The following RGSL1 variants were observed in gnomAD, a reference collection of about 807,000 sequenced individuals.
RGSL1 encodes the protein regulator of G protein signaling protein-like.
In RGSL1, 97 loss-of-function variants were observed where a neutral mutation model predicts 124.7. That is an observed-to-expected ratio of 0.78 (90% CI 0.66 to 0.92). The LOEUF is 0.92. RGSL1 is among the 40% of genes least tolerant of loss of function. RGSL1 has a pLI of 0.00. For synonymous variants in RGSL1, 424 were observed against 438.1 expected, an observed-to-expected ratio of 0.97 and a Z score of 0.40; for missense variants, 1,233 against 1,288.4, an observed-to-expected ratio of 0.96 and a Z score of 0.66.
intron 12 of RGSL1, 118 bp downstream of exon 12, chr1:182,530,479 C>G: frequency 1.2e-6 from 1 of 810,900 alleles, no homozygotes; most frequent in South Asian, 1.8e-5. Context: ...AGCCTCTCTA[C>G]AAAATAAAAA....
At position 182,527,624 on chromosome 1, in the gene RGSL1, C is replaced by G. The variant is rs1172755075; in HGVS notation, c.1977C>G (p.Phe659Leu). 4 of 1,551,604 alleles carry G rather than the reference C, an allele frequency of 2.6e-6. No homozygotes were observed. Among genetic ancestry groups the G allele is most frequent in the Admixed American group, 2.0e-5 (1 of 50,970 alleles). The change falls in exon 11 of 22, where the codon TTC becomes TTG. Residue 659 changes from phenylalanine (F) to leucine (L), a missense_variant. By Grantham distance (22) the Phe-to-Leu change is conservative. Coordinates refer to ENST00000294854, the MANE Select transcript of RGSL1 (RefSeq NM_001137669.2). ...VLLNTQHLEF[F>L]REFLKERKAK... ...TAAATACACAGCACTTGGAGTTCTT[C>G]AGGGAGTTCCTCAAGGAACGGAAGG...
chr1:182,542,993 T>A (rs1659985655), intron 15 of RGSL1, among the ~76,000 whole-genome samples: 1 of 152,144 alleles, frequency 6.6e-6, no homozygotes, highest in Non-Finnish European at 1.5e-5. Context: ...ATGTCAGCTG[T>A]GAACAAGGCT....
chr1:182,529,600 T>C (rs946041405), intron 11 of RGSL1, among the ~76,000 whole-genome samples: 1 of 152,220 alleles, frequency 6.6e-6, no homozygotes, highest in Non-Finnish European at 1.5e-5. Flanking sequence ...GGTATTTTTG[T>C]GTGTTTGGTT....
intron 9 of RGSL1, among the ~76,000 whole-genome samples, chr1:182,494,100 C>G (rs921318062): frequency 2.0e-5 from 3 of 152,196 alleles, no homozygotes; most frequent in African/African-American, 7.2e-5. Flanking sequence ...CTCTGGGATA[C>G]CTGAGCCCCC....
At chr1:182,498,732 A>G (rs267846) in intron 9 of RGSL1, among the ~76,000 whole-genome samples, 130,925 of 151,790 alleles carry the variant, frequency 0.86, 56,782 homozygotes, top group African/African-American at 0.9. Context: ...TTTGTTTTTT[A>G]TTTTTAATTT....
intron 4 of RGSL1, among the ~76,000 whole-genome samples, chr1:182,466,621 A>G (rs266517): frequency 0.078 from 11,942 of 152,276 alleles, 640 homozygotes; most frequent in East Asian, 0.26. Context: ...AATTCACTTA[A>G]GGAGGTGAAA....
At chr1:182,553,210 A>G (rs1660671343) in intron 18 of RGSL1, among the ~76,000 whole-genome samples, 1 of 152,150 alleles carries the variant, frequency 6.6e-6, no homozygotes, top group African/African-American at 2.4e-5. Flanking sequence ...GGCTAGCCTC[A>G]TCACCTTTTA....
At chr1:182,559,353 T>C (rs1003832209) in intron 21 of RGSL1, among the ~76,000 whole-genome samples, 1 of 152,092 alleles carries the variant, frequency 6.6e-6, no homozygotes, top group Admixed American at 6.6e-5. Flanking sequence ...CTCAGAATCA[T>C]CCTCAACTCA....
chr1:182,449,092 C>T (rs1023440959), upstream of RGSL1, among the ~76,000 whole-genome samples: 7 of 152,170 alleles, frequency 4.6e-5, no homozygotes, highest in Non-Finnish European at 7.3e-5. Context: ...ACTGAACTCT[C>T]TTAAGATGTG....
At chr1:182,540,442 T>C in intron 15 of RGSL1, 21 bp downstream of exon 15, 1 of 1,544,204 alleles carries the variant, frequency 6.5e-7, no homozygotes, top group East Asian at 2.4e-5. Flanking sequence ...CACTTCTCCT[T>C]CTTCTGCCCT....
At chr1:182,538,747 T>A (rs928032384) in intron 14 of RGSL1, among the ~76,000 whole-genome samples, 1 of 152,058 alleles carries the variant, frequency 6.6e-6, no homozygotes, top group Admixed American at 6.6e-5. Context: ...TTGTAACATG[T>A]TGATAGTGAA....
intron 12 of RGSL1, among the ~76,000 whole-genome samples, chr1:182,530,572 T>C (rs150624791): frequency 6.0e-4 from 62 of 103,734 alleles, no homozygotes; most frequent in African/African-American, 2.0e-3. Flanking sequence ...CACATTTCTG[T>C]TTGTTTGCAT....
intron 9 of RGSL1, among the ~76,000 whole-genome samples, chr1:182,503,925 TATC>T (rs1420557488): frequency 2.0e-5 from 3 of 151,876 alleles, no homozygotes; most frequent in Non-Finnish European, 4.4e-5. Context: ...AAAACAAAGT[TATC>T]ATGCTTTTCA....
At chr1:182,532,031 T>TC (rs1659210072) in intron 13 of RGSL1, among the ~76,000 whole-genome samples, 2 of 152,184 alleles carry the variant, frequency 1.3e-5, no homozygotes, top group African/African-American at 2.4e-5. Context: ...GAGGCTTATG[T>TC]TGTTTCCCTC....
chr1:182,559,687 A>T (rs1558453346), intron 21 of RGSL1, among the ~76,000 whole-genome samples: 1 of 152,196 alleles, frequency 6.6e-6, no homozygotes, highest in Non-Finnish European at 1.5e-5. Flanking sequence ...ATATGGCCTC[A>T]GTTCAGGTTT....
chr1:182,450,293 T>C, intron 1 of RGSL1, 115 bp downstream of exon 1: 1 of 1,161,098 alleles, frequency 8.6e-7, no homozygotes, highest in Non-Finnish European at 1.3e-6. Flanking sequence ...GGGTGACTTT[T>C]GTGTTATTCA....
intron 9 of RGSL1, among the ~76,000 whole-genome samples, chr1:182,520,775 A>C (rs574054387): frequency 6.6e-6 from 1 of 152,214 alleles, no homozygotes; most frequent in East Asian, 1.9e-4. Context: ...GCATTTATTT[A>C]GATCCAACAT....
intron 9 of RGSL1, among the ~76,000 whole-genome samples, chr1:182,515,985 A>G (rs1180627783): frequency 6.6e-6 from 1 of 152,246 alleles, no homozygotes; most frequent in East Asian, 1.9e-4. Context: ...ACATTATAAA[A>G]GAAGAGATAG....
chr1:182,492,119 G>A (rs1376202560), intron 8 of RGSL1, among the ~76,000 whole-genome samples: 1 of 152,228 alleles, frequency 6.6e-6, no homozygotes, highest in Admixed American at 6.5e-5. Flanking sequence ...TCAGAGCTGA[G>A]AAAGGGAAAA....
Sources: allele counts gnomAD v4.1 joint callset (sites outside exome capture counted in the v4.1 genomes callset), GRCh38; gene constraint gnomAD v4.1.1; transcripts MANE v1.5; gene names NCBI Gene and HGNC (gene_info 2026-07-23, HGNC 2026-07-21).